KPNA3: variants seen among roughly 807,000 people sequenced by gnomAD.
KPNA3 encodes the protein importin subunit alpha-4.
In KPNA3, 13 loss-of-function variants were observed where a neutral mutation model predicts 73.8. The observed-to-expected ratio is 0.18, with a 90% CI of 0.11 to 0.28. The LOEUF is 0.28. Among genes scored for constraint, KPNA3 ranks in the 10% least tolerant of loss-of-function variants. KPNA3 has a pLI of 1.00. For synonymous variants in KPNA3, 186 were observed against 206.9 expected (o/e 0.90, Z 0.87); for missense variants, 360 against 618.1 (o/e 0.58, Z 4.43).
intron 1 of KPNA3, 55 bp downstream of exon 1, chr13:49,792,383 C>G: frequency 7.4e-7 from 1 of 1,358,994 alleles, no homozygotes; most frequent in Non-Finnish European, 9.8e-7. Context: ...CCGCCCCTCC[C>G]CGCGTCGCCG....
In KPNA3 at chr13:49,772,039, T is replaced by C. The variant is rs546452649; in HGVS notation, c.69+20399A>G. Among the ~76,000 whole-genome samples, 104 of 152,336 alleles carry C rather than the reference T, an allele frequency of 6.8e-4. No individual in the cohort carries two copies. In the South Asian group the frequency reaches 9.9e-3, roughly 15 times the overall value. ...ATACTGATCTTGTATCCTGCAACCT[T>C]GTTGAAATCATTTATTAGCTCTAAT... On this transcript the variant is annotated intron_variant, in intron 1 of 16. Coordinates refer to ENST00000261667, the MANE Select transcript of KPNA3 (RefSeq NM_002267.4).
chr13:49,734,711 C>T (rs2025263), intron 2 of KPNA3, among the ~76,000 whole-genome samples: 128,508 of 152,042 alleles, frequency 0.85, 54,549 homozygotes, highest in East Asian at 1. Context: ...TTGGAAACTA[C>T]ATCTTATTCT....
At chr13:49,759,758 G>C (rs568394066) in intron 1 of KPNA3, among the ~76,000 whole-genome samples, 10 of 152,340 alleles carry the variant, frequency 6.6e-5, no homozygotes, top group African/African-American at 2.4e-4. Flanking sequence ...TGTAAATACA[G>C]ATGAAGCTTC....
intron 1 of KPNA3, among the ~76,000 whole-genome samples, chr13:49,762,643 T>C (rs1369382491): frequency 6.6e-6 from 1 of 152,078 alleles, no homozygotes; most frequent in Non-Finnish European, 1.5e-5. Flanking sequence ...AGATGTGCTT[T>C]GTTAAACAGA....
rs1954146086 is a variant in KPNA3 at position 49,701,378 on chromosome 13, AC to A, written c.*421del. 1.0e-5 allele frequency: 4 copies of A among 387,508 alleles called. No individual in the cohort carries two copies. The highest frequency in any genetic ancestry group is 2.2e-5 in the Non-Finnish European group (4 of 184,894). 24.0% of individuals were successfully genotyped at this position (387,508 alleles called of 1,614,324 possible). ...GGACAATGATGGAGGCTCAGATCAC[AC>A]TGCACCTCTTTAGTCTTCCAACTTG... On this transcript the variant is annotated 3_prime_UTR_variant, in exon 17 of 17. Transcript: ENST00000261667.
At chr13:49,703,864 G>A (rs1372903432) in intron 15 of KPNA3, among the ~76,000 whole-genome samples, 1 of 151,984 alleles carries the variant, frequency 6.6e-6, no homozygotes, top group Non-Finnish European at 1.5e-5. Flanking sequence ...AAAGAATGGG[G>A]GAAATCGTTG....
At chr13:49,755,664 A>G (rs7330392) in intron 1 of KPNA3, among the ~76,000 whole-genome samples, 128,481 of 152,140 alleles carry the variant, frequency 0.84, 54,501 homozygotes, top group East Asian at 1. Context: ...GGTGGTGCAC[A>G]CCTGTAGTCC....
rs1440381690 is a variant in KPNA3, at chr13:49,729,142, AT to A, written c.383+3228del. 2.0e-5 allele frequency among the ~76,000 whole-genome samples: 3 copies of A among 152,252 alleles called. No homozygotes were observed. The South Asian group carries it at 6.2e-4, about 32-fold the overall frequency. ...TTTATATATTTATTATCTTTCATAT[AT>A]TTTATTGTCTTTTGATTCCACTTTT... On this transcript the variant is annotated intron_variant, in intron 6 of 16. Coordinates refer to ENST00000261667, the MANE Select transcript of KPNA3 (RefSeq NM_002267.4).
At chr13:49,791,637 T>A (rs2137614583) in intron 1 of KPNA3, among the ~76,000 whole-genome samples, 1 of 152,328 alleles carries the variant, frequency 6.6e-6, no homozygotes, top group East Asian at 1.9e-4. Context: ...AAAGAAATTA[T>A]CACCCTATGC....
chr13:49,765,384 CCTT>C (rs1381942599), intron 1 of KPNA3, among the ~76,000 whole-genome samples: 1 of 152,186 alleles, frequency 6.6e-6, no homozygotes, highest in Non-Finnish European at 1.5e-5. Context: ...GGAACCATTA[CCTT>C]TTTTGTCATA....
chr13:49,762,123 C>G lies in KPNA3; in HGVS notation c.70-15130G>C, dbSNP rs1258215324. Among the ~76,000 whole-genome samples the G allele has an allele frequency of 3.5e-5, 4 of 115,222 alleles. No homozygotes were observed. The Admixed American group carries it at 3.7e-4, about 11-fold the overall frequency. 75.6% of individuals were successfully genotyped at this position (115,222 alleles called of 152,430 possible). ...GGAGGGAGGTGGGGGGCAGCCCCCG[C>G]CCGGCCAGCCTCCCCGTCCGGGAGG... On this transcript the variant is annotated intron_variant, in intron 1 of 16. Coordinates refer to ENST00000261667, the MANE Select transcript of KPNA3 (RefSeq NM_002267.4).
chr13:49,746,909 A>G, intron 2 of KPNA3, 40 bp downstream of exon 2: 1 of 1,496,904 alleles, frequency 6.7e-7, no homozygotes, highest in South Asian at 1.1e-5. Flanking sequence ...TAACATCAGA[A>G]AAATCTAATT....
intron 1 of KPNA3, among the ~76,000 whole-genome samples, chr13:49,771,701 C>T (rs1594459476): frequency 1.3e-5 from 2 of 152,318 alleles, no homozygotes; most frequent in Admixed American, 1.3e-4. Flanking sequence ...GGCTCTACTG[C>T]TCATCATAGT....
intron 11 of KPNA3, among the ~76,000 whole-genome samples, chr13:49,710,444 C>T (rs765364964): frequency 2.6e-5 from 4 of 152,096 alleles, no homozygotes; most frequent in Non-Finnish European, 1.5e-5. Flanking sequence ...GAGTCTTGAA[C>T]TAAATCTGTT....
intron 1 of KPNA3, among the ~76,000 whole-genome samples, chr13:49,773,015 G>A (rs1187059290): frequency 6.6e-6 from 1 of 152,008 alleles, no homozygotes; most frequent in East Asian, 1.9e-4. Flanking sequence ...TACTGTTGTG[G>A]TATATTCATA....
chr13:49,710,860 A>C (rs763543037), intron 11 of KPNA3, 31 bp downstream of exon 11: 1 of 1,600,046 alleles, frequency 6.2e-7, no homozygotes, highest in South Asian at 1.1e-5. Context: ...ACACAACTGT[A>C]TACAAATAAG....
chr13:49,763,723 C>A (rs1954787095), intron 1 of KPNA3, among the ~76,000 whole-genome samples: 1 of 152,114 alleles, frequency 6.6e-6, no homozygotes, highest in African/African-American at 2.4e-5. Context: ...CATCTGAGGT[C>A]AGGAGTTCAA....
chr13:49,764,263 T>C (rs1954792257), intron 1 of KPNA3, among the ~76,000 whole-genome samples: 1 of 152,090 alleles, frequency 6.6e-6, no homozygotes, highest in South Asian at 2.1e-4. Context: ...CTCTGGGTTG[T>C]TTCAATTCTC....
intron 6 of KPNA3, among the ~76,000 whole-genome samples, chr13:49,728,556 G>T (rs1352961916): frequency 6.6e-6 from 1 of 152,152 alleles, no homozygotes; most frequent in East Asian, 1.9e-4. Context: ...ATTTCTTCAA[G>T]GAATTGTAAA....
Sources: gnomAD v4.1 joint callset for allele counts (sites outside exome capture counted in the v4.1 genomes callset) on GRCh38, gnomAD v4.1.1 for gene constraint, MANE v1.5 for transcripts, NCBI Gene and HGNC (gene_info 2026-07-23, HGNC 2026-07-21) for gene names.